Variants in MAST2 observed in about 807,000 individuals in gnomAD.
The protein encoded by MAST2 is microtubule associated serine/threonine kinase 2.
MAST2 carries 70 observed loss-of-function variants against 147.4 expected under a neutral mutation model. The ratio of observed to expected loss-of-function variants is 0.47; its 90% CI spans 0.39 to 0.58. The LOEUF (loss-of-function observed/expected upper bound fraction) is 0.58. Ranked by LOEUF, MAST2 falls within the 20% of genes least tolerant of loss-of-function variation. The probability of loss-of-function intolerance (pLI) is 0.00; values close to 1 mark genes in which losing one functional copy is unlikely to be tolerated. For synonymous variants in MAST2, 869 were observed against 896.8 expected (o/e 0.97, Z 0.55); for missense variants, 2,080 against 2,302.3 (o/e 0.90, Z 1.98).
chr1:45,843,192 A>G (rs1284820826), intron 3 of MAST2, among the ~76,000 whole-genome samples: 3 of 152,024 alleles, frequency 2.0e-5, no homozygotes, highest in Non-Finnish European at 4.4e-5. Flanking sequence ...CCTTAGTTAT[A>G]TGATTTCCAA....
intron 5 of MAST2, among the ~76,000 whole-genome samples, chr1:45,979,956 A>G (rs1644332190): frequency 6.6e-6 from 1 of 152,234 alleles, no homozygotes; most frequent in African/African-American, 2.4e-5. Context: ...TCTCCCTTAT[A>G]TGTGGGAGCT....
At chr1:45,935,039 T>C (rs1018862844) in intron 4 of MAST2, among the ~76,000 whole-genome samples, 19 of 152,252 alleles carry the variant, frequency 1.2e-4, no homozygotes, top group African/African-American at 4.1e-4. Context: ...GAATTTCCTT[T>C]TGTCTGCAGT....
At chr1:45,948,225 A>G (rs1214138286) in intron 4 of MAST2, among the ~76,000 whole-genome samples, 1 of 152,206 alleles carries the variant, frequency 6.6e-6, no homozygotes, top group Non-Finnish European at 1.5e-5. Context: ...TACAATGAGA[A>G]TTGCAAAACA....
At chr1:46,021,534 T>A (rs555851960) in intron 11 of MAST2, among the ~76,000 whole-genome samples, 64 of 152,268 alleles carry the variant, frequency 4.2e-4, no homozygotes, top group Non-Finnish European at 1.0e-4. Flanking sequence ...CAGTAAATAT[T>A]TGAAGGTATA....
chr1:46,020,023 A>G (rs1295274941), intron 11 of MAST2, among the ~76,000 whole-genome samples: 1 of 152,140 alleles, frequency 6.6e-6, no homozygotes, highest in Non-Finnish European at 1.5e-5. Context: ...TTTTATCTTC[A>G]GCAATACTTG....
chr1:45,819,110 A>C (rs1023149563), intron 1 of MAST2, among the ~76,000 whole-genome samples: 2 of 151,978 alleles, frequency 1.3e-5, no homozygotes, highest in Non-Finnish European at 2.9e-5. Context: ...AAACTTAGCC[A>C]GGCATGGTGG....
intron 3 of MAST2, among the ~76,000 whole-genome samples, chr1:45,870,659 T>C (rs891071689): frequency 1.3e-5 from 2 of 151,762 alleles, no homozygotes; most frequent in Non-Finnish European, 2.9e-5. Flanking sequence ...CAGTGGCTCA[T>C]GCCTATAATC....
At chr1:46,020,935 T>C (rs543535900) in intron 11 of MAST2, among the ~76,000 whole-genome samples, 56 of 152,334 alleles carry the variant, frequency 3.7e-4, no homozygotes, top group African/African-American at 1.3e-3. Flanking sequence ...TTACTTTGGC[T>C]GCAACATGGA....
intron 15 of MAST2, among the ~76,000 whole-genome samples, chr1:46,025,331 A>G (rs767828377): frequency 1.3e-5 from 2 of 152,116 alleles, no homozygotes; most frequent in Non-Finnish European, 2.9e-5. Flanking sequence ...AAAAATAAAT[A>G]AATAAAAATA....
intron 1 of MAST2, among the ~76,000 whole-genome samples, chr1:45,814,316 C>G (rs1402126443): frequency 6.6e-6 from 1 of 152,100 alleles, no homozygotes. Flanking sequence ...CATGTCACCT[C>G]CATTATTGCT....
intron 4 of MAST2, among the ~76,000 whole-genome samples, chr1:45,927,657 A>G (rs1049847415): frequency 6.6e-6 from 1 of 152,184 alleles, no homozygotes; most frequent in African/African-American, 2.4e-5. Context: ...CTCAGATTTC[A>G]TATTGCTCAA....
chr1:45,982,904 C>A (rs1485795630), intron 5 of MAST2, among the ~76,000 whole-genome samples: 1 of 152,094 alleles, frequency 6.6e-6, no homozygotes, highest in Non-Finnish European at 1.5e-5. Context: ...TGCAGTATAC[C>A]CAACTTGAGG....
chr1:45,922,369 G>C (rs923200523), intron 4 of MAST2, among the ~76,000 whole-genome samples: 2 of 152,232 alleles, frequency 1.3e-5, no homozygotes, highest in African/African-American at 2.4e-5. Context: ...TCCTGCTGCT[G>C]TTCATGGTGA....
intron 4 of MAST2, among the ~76,000 whole-genome samples, chr1:45,914,374 T>G (rs1366350436): frequency 6.6e-6 from 1 of 152,096 alleles, no homozygotes; most frequent in African/African-American, 2.4e-5. Flanking sequence ...TTGGCCAATA[T>G]AGAAATAAAC....
At chr1:46,005,219 G>A (rs758791209) in intron 7 of MAST2, among the ~76,000 whole-genome samples, 12 of 152,138 alleles carry the variant, frequency 7.9e-5, no homozygotes, top group East Asian at 1.9e-4. Context: ...AAAATTACCC[G>A]GGCATGGTGG....
At chr1:45,805,414 C>G (rs1364461953) in intron 1 of MAST2, among the ~76,000 whole-genome samples, 1 of 149,988 alleles carries the variant, frequency 6.7e-6, no homozygotes, top group Non-Finnish European at 1.5e-5. Flanking sequence ...CCCACTGAGC[C>G]CTGAGGAGAC....
intron 7 of MAST2, 35 bp downstream of exon 7, chr1:46,002,918 C>T (rs375683147): frequency 8.3e-6 from 13 of 1,574,692 alleles, no homozygotes; most frequent in Non-Finnish European, 1.1e-5. Context: ...ACTTCCTTCA[C>T]CCTAAGGAAG....
At chr1:45,826,519 A>G (rs569164148) in intron 2 of MAST2, among the ~76,000 whole-genome samples, 1 of 151,910 alleles carries the variant, frequency 6.6e-6, no homozygotes, top group Non-Finnish European at 1.5e-5. Context: ...CACCCAGCTA[A>G]TTTTTGTATT....
At chr1:45,826,118 C>CT (rs1448308776) in intron 2 of MAST2, among the ~76,000 whole-genome samples, 4 of 152,056 alleles carry the variant, frequency 2.6e-5, no homozygotes, top group African/African-American at 9.7e-5. Flanking sequence ...TGGATCAGCT[C>CT]TTTCTTTTGA....
Sources: gnomAD v4.1 joint callset for allele counts (sites outside exome capture counted in the v4.1 genomes callset) on GRCh38, gnomAD v4.1.1 for gene constraint, MANE v1.5 for transcripts, NCBI Gene and HGNC (gene_info 2026-07-23, HGNC 2026-07-21) for gene names.